The following PRDM16 variants were observed in gnomAD, a reference collection of about 807,000 sequenced individuals.
PRDM16 encodes the protein PR/SET domain 16.
In PRDM16, 23 loss-of-function variants were observed where a neutral mutation model predicts 110.6. The ratio of observed to expected loss-of-function variants is 0.21; its 90% CI spans 0.15 to 0.29. PRDM16 has a LOEUF of 0.29. Among genes scored for constraint, PRDM16 ranks in the 10% least tolerant of loss-of-function variants. PRDM16 has a pLI of 1.00. For synonymous variants in PRDM16, 799 were observed against 781.8 expected, an observed-to-expected ratio of 1.02 and a Z score of -0.37; for missense variants, 1,615 against 1,794.3, an observed-to-expected ratio of 0.90 and a Z score of 1.81.
intron 3 of PRDM16, among the ~76,000 whole-genome samples, chr1:3,248,352 C>T (rs1018593562): frequency 2.6e-5 from 4 of 152,156 alleles, no homozygotes; most frequent in African/African-American, 9.6e-5. Context: ...AAAGGAAGGA[C>T]GTGTTAATAC....
chr1:3,388,261 T>C (rs1335286714), intron 4 of PRDM16, among the ~76,000 whole-genome samples: 1 of 152,090 alleles, frequency 6.6e-6, no homozygotes, highest in Non-Finnish European at 1.5e-5. Context: ...ACAATCTTCC[T>C]CCCTTCCCCT....
intron 3 of PRDM16, among the ~76,000 whole-genome samples, chr1:3,323,631 A>C (rs1641814063): frequency 6.6e-6 from 1 of 152,196 alleles, no homozygotes; most frequent in Non-Finnish European, 1.5e-5. Flanking sequence ...CTGGAAACCC[A>C]CGTGTGCAGT....
intron 2 of PRDM16, among the ~76,000 whole-genome samples, chr1:3,232,512 T>A (rs1639439244): frequency 6.6e-6 from 1 of 152,204 alleles, no homozygotes; most frequent in Admixed American, 6.5e-5. Flanking sequence ...GGGAAACAAT[T>A]GTACTTCTGG....
chr1:3,291,349 T>C (rs147353923), intron 3 of PRDM16, among the ~76,000 whole-genome samples: 1 of 152,184 alleles, frequency 6.6e-6, no homozygotes, highest in African/African-American at 2.4e-5. Context: ...CCACCCTTCT[T>C]CCCCTTCTGC....
At chr1:3,228,662 T>A (rs929543903) in intron 2 of PRDM16, among the ~76,000 whole-genome samples, 4 of 152,172 alleles carry the variant, frequency 2.6e-5, no homozygotes, top group Non-Finnish European at 1.5e-5. Flanking sequence ...CCTGTACATA[T>A]CATCCCTCAT....
intron 1 of PRDM16, among the ~76,000 whole-genome samples, chr1:3,184,853 G>T (rs1338886917): frequency 6.6e-6 from 1 of 152,202 alleles, no homozygotes; most frequent in Non-Finnish European, 1.5e-5. Context: ...GTCGGGGGCT[G>T]GTCCAGGCTG....
intron 5 of PRDM16, among the ~76,000 whole-genome samples, chr1:3,400,855 C>T (rs1476362613): frequency 6.6e-6 from 1 of 152,206 alleles, no homozygotes; most frequent in Admixed American, 6.5e-5. Context: ...AATGCACACA[C>T]CCCTGGGGCT....
Position 3,175,926 on chromosome 1 carries a change from G to A in PRDM16, c.38-10199G>A, listed in dbSNP as rs1319156879. 6.6e-6 allele frequency among the ~76,000 whole-genome samples: 1 copy of A among 152,046 alleles called. No homozygotes were observed. On this transcript the variant is annotated intron_variant, in intron 1 of 16. Coordinates refer to ENST00000270722, the MANE Select transcript of PRDM16 (RefSeq NM_022114.4). This position sits in a 1 kb window ranked among gnomAD's most constrained non-coding sequence, Gnocchi z 4.8. ...CCTTCTACCTCTTCTGTTGGAAACT[G>A]CCCTGGAGGTTGCCCTTACCCCATC...
chr1:3,415,187 G>T (rs1243349521), intron 10 of PRDM16, among the ~76,000 whole-genome samples: 1 of 152,184 alleles, frequency 6.6e-6, no homozygotes, highest in African/African-American at 2.4e-5. Flanking sequence ...GACCCTGCCA[G>T]GCCTGGAGGT....
At chr1:3,292,744 C>T (rs1358220097) in intron 3 of PRDM16, among the ~76,000 whole-genome samples, 4 of 152,278 alleles carry the variant, frequency 2.6e-5, no homozygotes, top group East Asian at 1.9e-4. Context: ...GGAATTGGCG[C>T]GAAGGGAAGA....
intron 3 of PRDM16, among the ~76,000 whole-genome samples, chr1:3,337,270 A>T (rs114990273): frequency 0.027 from 4,126 of 152,264 alleles, 179 homozygotes; most frequent in African/African-American, 0.093. Flanking sequence ...TGTATCTGTG[A>T]ATCCCACTGT....
At chr1:3,207,680 G>T in intron 2 of PRDM16, 1 of 152,404 alleles carries the variant, frequency 6.6e-6, no homozygotes. Flanking sequence ...GTGGTCTCCC[G>T]GGAGCTGAGG....
At chr1:3,219,148 C>T (rs990782715) in intron 2 of PRDM16, among the ~76,000 whole-genome samples, 2 of 152,218 alleles carry the variant, frequency 1.3e-5, no homozygotes, top group South Asian at 2.1e-4. Context: ...CACAGCCTCA[C>T]GGTGCACAGA....
At chr1:3,181,677 C>A (rs111067917) in intron 1 of PRDM16, among the ~76,000 whole-genome samples, 29 of 92,940 alleles carry the variant, frequency 3.1e-4, no homozygotes, top group East Asian at 9.4e-4. Flanking sequence ...GTCTTACACG[C>A]GCAGTCTTAC....
At chr1:3,258,692 C>T (rs770653320) in intron 3 of PRDM16, among the ~76,000 whole-genome samples, 9 of 152,220 alleles carry the variant, frequency 5.9e-5, no homozygotes, top group Non-Finnish European at 1.0e-4. Flanking sequence ...AGAGTCTGGT[C>T]TGGTGTTCAT....
chr1:3,073,682 G>A (rs1321983809), intron 1 of PRDM16, among the ~76,000 whole-genome samples: 3 of 152,098 alleles, frequency 2.0e-5, no homozygotes, highest in Non-Finnish European at 2.9e-5. Flanking sequence ...GGGGGACCCC[G>A]GGCCGGCCGG....
chr1:3,077,337 G>C (rs576965947), intron 1 of PRDM16, among the ~76,000 whole-genome samples: 1 of 152,300 alleles, frequency 6.6e-6, no homozygotes, highest in Non-Finnish European at 1.5e-5. Flanking sequence ...CTCTCCCAGG[G>C]TCCCCAGCCC....
rs139952356 is a variant in PRDM16 at position 3,161,254 on chromosome 1, A to AAC, written c.38-24859_38-24858dup. 4.9e-4 allele frequency among the ~76,000 whole-genome samples: 75 copies of AAC among 152,252 alleles called. 1 individual carries two copies. Among genetic ancestry groups the AAC allele is most frequent in the African/African-American group, 1.7e-3 (71 of 41,552 alleles). On this transcript the variant is annotated intron_variant, in intron 1 of 16. Coordinates refer to ENST00000270722, the MANE Select transcript of PRDM16 (RefSeq NM_022114.4). Reference sequence around the variant, plus strand: ...AGGAGCGCTTCGGCTCTCACCAGCAAACACACACACACAACACGCTCGAAA... The same window carrying AAC: ...AGGAGCGCTTCGGCTCTCACCAGCAAACACACACACACACAACACGCTCGAAA...
chr1:3,348,877 G>A (rs1209288921), intron 3 of PRDM16, among the ~76,000 whole-genome samples: 1 of 152,218 alleles, frequency 6.6e-6, no homozygotes, highest in South Asian at 2.1e-4. Flanking sequence ...GCAAAAATGA[G>A]GGAGCGGCCC....
Sources: gnomAD v4.1 joint callset for allele counts (sites outside exome capture counted in the v4.1 genomes callset) on GRCh38, gnomAD v4.1.1 for gene constraint, Gnocchi (gnomAD v3.1) non-coding constraint, MANE v1.5 for transcripts, NCBI Gene and HGNC (gene_info 2026-07-23, HGNC 2026-07-21) for gene names.